SLC6A18: variants seen among roughly 807,000 people sequenced by gnomAD.
SLC6A18 encodes solute carrier family 6 member 18, also known as inactive sodium-dependent neutral amino acid transporter B(0)AT3.
SLC6A18 carries 58 observed loss-of-function variants against 62.9 expected under a neutral mutation model. That is an observed-to-expected ratio of 0.92 (90% confidence interval 0.75 to 1.15). SLC6A18 has a LOEUF of 1.15. Among genes scored for constraint, SLC6A18 ranks in the 50% most tolerant of loss-of-function variants. The pLI, the probability that SLC6A18 is intolerant of heterozygous loss-of-function variation, is 0.00. For missense variants in SLC6A18, 793 were observed against 836.6 expected (o/e 0.95, Z 0.64); for synonymous variants, 382 against 365.8 (o/e 1.04, Z -0.51).
intron 6 of SLC6A18, 22 bp downstream of exon 6, chr5:1,239,584 T>A: frequency 6.3e-7 from 1 of 1,582,924 alleles, no homozygotes; most frequent in Non-Finnish European, 8.7e-7. Context: ...GGCTCAGCTG[T>A]CCAGCCAGGG....
In SLC6A18 at chr5:1,225,674, G is replaced by A. The variant is rs750145122; in HGVS notation, c.160+37G>A. 11 of 1,517,396 alleles carry A rather than the reference G, an allele frequency of 7.2e-6. No individual in the cohort carries two copies. In the South Asian group the frequency reaches 1.3e-4, roughly 18 times the overall value. The allele number at this position is 1,517,396 out of a possible 1,614,324, so 94.0% of individuals were successfully genotyped here. A position where few individuals can be genotyped will look rare whatever the true frequency, so the allele number is the denominator to read the frequency against. On this transcript the variant is annotated intron_variant, in intron 1 of 11. Transcript: ENST00000324642. ...CCTGCGTCCTGGGGCAGACCCCTAAGCAGGGGAGGCCGTCTCCACCCTGAC... is the reference window on the plus strand; with the variant it reads ...CCTGCGTCCTGGGGCAGACCCCTAAACAGGGGAGGCCGTCTCCACCCTGAC...
chr5:1,235,752 A>G (rs1746868880), intron 4 of SLC6A18, 90 bp downstream of exon 4: 1 of 1,336,456 alleles, frequency 7.5e-7, no homozygotes, highest in Non-Finnish European at 1.1e-6. Flanking sequence ...TGTGTCTACA[A>G]GCTCTTGCGA....
chr5:1,243,845 G>C lies in SLC6A18; in HGVS notation c.1336+86G>C. On this transcript the variant is annotated intron_variant, in intron 9 of 11. Transcript: ENST00000324642. The surrounding 1 kb of genome is among the most constrained non-coding windows in gnomAD (Gnocchi z 6.5). ...GCCCGCTGTCCAGACGCCCCTCCTG[G>C]ATGGAGAGCGCAAGGGGCCAAGCCT... 1 of 1,300,514 alleles carries C rather than the reference G, an allele frequency of 7.7e-7. No individual in the cohort carries two copies. The highest frequency in any genetic ancestry group is 1.5e-5 in the African/African-American group (1 of 67,802). 80.6% of individuals were successfully genotyped at this position (1,300,514 alleles called of 1,614,324 possible).
chr5:1,231,959 G>A (rs1746740875), intron 1 of SLC6A18, among the ~76,000 whole-genome samples: 1 of 152,326 alleles, frequency 6.6e-6, no homozygotes, highest in East Asian at 1.9e-4. Flanking sequence ...CTAGTCCAGG[G>A]CCGGCTGCCT....
intron 4 of SLC6A18, among the ~76,000 whole-genome samples, chr5:1,236,412 T>C (rs1253503223): frequency 6.6e-6 from 1 of 152,238 alleles, no homozygotes; most frequent in African/African-American, 2.4e-5. Flanking sequence ...AGCAAATGCA[T>C]TGTTATCAGT....
Position 1,239,602 on chromosome 5 carries a change from G to A in SLC6A18, c.845+40G>A, listed in dbSNP as rs370161690. On this transcript the variant is annotated intron_variant, in intron 6 of 11. Transcript: ENST00000324642. ...TCAGCTGTCCAGCCAGGGAAGCTTT[G>A]GGGAGACGCCCGAGCACTTCCTGAT... 1.7e-5 allele frequency: 26 copies of A among 1,489,774 alleles called. No homozygotes were observed. The African/African-American group carries it at 2.9e-4, about 17-fold the overall frequency. 92.3% of individuals were successfully genotyped at this position (1,489,774 alleles called of 1,614,324 possible).
At chr5:1,231,434 TG>T (rs1369947060) in intron 1 of SLC6A18, among the ~76,000 whole-genome samples, 3 of 152,174 alleles carry the variant, frequency 2.0e-5, no homozygotes, top group Admixed American at 1.3e-4. Flanking sequence ...CTCAGAGCCT[TG>T]GTCTGAGACA....
chr5:1,235,183 A>T (rs111492816), intron 3 of SLC6A18, among the ~76,000 whole-genome samples: 1,532 of 152,274 alleles, frequency 0.01, 27 homozygotes, highest in African/African-American at 0.035. Flanking sequence ...GGCAGGAGGA[A>T]GTGAGGGGAC....
intron 4 of SLC6A18, among the ~76,000 whole-genome samples, chr5:1,236,083 T>C (rs1746876555): frequency 6.6e-6 from 1 of 152,316 alleles, no homozygotes; most frequent in South Asian, 2.1e-4. Flanking sequence ...ATTATTGATA[T>C]GGTTGGGTTT....
intron 4 of SLC6A18, among the ~76,000 whole-genome samples, chr5:1,236,682 T>A (rs1746890462): frequency 6.6e-6 from 1 of 152,170 alleles, no homozygotes; most frequent in Non-Finnish European, 1.5e-5. Context: ...GGACCGTGCC[T>A]CCTGACCCAT....
Position 1,241,334 on chromosome 5 carries a change from A to C in SLC6A18, c.974+675A>C, listed in dbSNP as rs1296438514. ...GTCCCTGCAACATGGGGTGACTCTG[A>C]CCCCACCAGGGTACATCTGGCAGTA... is the stretch of plus-strand genomic sequence containing the variant. On this transcript the variant is annotated intron_variant, in intron 7 of 11. Transcript: ENST00000324642. The surrounding 1 kb of genome is among the most constrained non-coding windows in gnomAD (Gnocchi z 7.8). Among the ~76,000 whole-genome samples the C allele has an allele frequency of 6.6e-6, 1 of 152,102 alleles. No individual in the cohort carries two copies. Among genetic ancestry groups the C allele is most frequent in the East Asian group, 1.9e-4 (1 of 5,194 alleles).
chr5:1,235,708 C>G, intron 4 of SLC6A18, 46 bp downstream of exon 4: 1 of 1,592,492 alleles, frequency 6.3e-7, no homozygotes, highest in Non-Finnish European at 8.6e-7. Flanking sequence ...TCCTCCAGCC[C>G]CCAAGACCCC....
intron 3 of SLC6A18, among the ~76,000 whole-genome samples, chr5:1,233,397 G>T (rs1426633331): frequency 6.6e-6 from 1 of 152,056 alleles, no homozygotes; most frequent in Non-Finnish European, 1.5e-5. Flanking sequence ...AGAATTGCTT[G>T]AACCCGGGAA....
chr5:1,238,973 G>A (rs1176148556), intron 5 of SLC6A18, among the ~76,000 whole-genome samples: 1 of 152,242 alleles, frequency 6.6e-6, no homozygotes, highest in Non-Finnish European at 1.5e-5. Context: ...AGGGGCTGGT[G>A]TGGGAGTGGG....
At position 1,245,885 on chromosome 5, in the gene SLC6A18, G is replaced by A. The variant is rs776064894; in HGVS notation, c.1694G>A (p.Gly565Asp). 42 of 1,607,972 alleles carry A rather than the reference G, an allele frequency of 2.6e-5. No homozygotes were observed. The Admixed American group carries it at 6.8e-4, about 26-fold the overall frequency. Residue 565 changes from glycine (G) to aspartate (D), a missense_variant, in exon 12 of 12, where the codon GGC (glycine) becomes GAC (aspartate). Transcript: ENST00000324642. The part of the protein sequence containing the change: ...FPSRQEKLYP[G>D]WARAACVLLS... ...TCGCGTCAGGAGAAGCTCTACCCGG[G>A]CTGGGCGCGCGCCGCCTGTGTGCTG...
Position 1,232,317 on chromosome 5 carries a change from G to A in SLC6A18, c.259G>A (p.Val87Ile), listed in dbSNP as rs752499450. The change falls in exon 2 of 12, where the codon GTC becomes ATC. Residue 87 changes from valine to isoleucine, a missense_variant. Transcript: ENST00000324642. The stretch of plus-strand genomic sequence containing the variant: ...CGGCCAGCGGCTGCGGAAGGGCAGC[G>A]TCGGCGTGTGGACGGCCATCTCCCC... ...AIGQRLRKGS[V>I]GVWTAISPYL... The A allele has an allele frequency of 9.9e-6, 16 of 1,612,034 alleles. No homozygotes were observed. The highest frequency in any genetic ancestry group is 3.3e-5 in the Admixed American group (2 of 59,930).
intron 1 of SLC6A18, among the ~76,000 whole-genome samples, chr5:1,227,116 ACGCCTTGCCCGT>A (rs1561173470): frequency 3.7e-5 from 5 of 136,134 alleles, no homozygotes; most frequent in African/African-American, 1.1e-4. Context: ...TTGCCCGCCG[ACGCCTTGCCCGT>A]CGATGCCTTG....
At chr5:1,244,183 T>TTCCCCCC in intron 9 of SLC6A18, 31 bp from the exon 10 acceptor site, 2 of 710,304 alleles carry the variant, frequency 2.8e-6, no homozygotes, top group South Asian at 1.4e-5. Flanking sequence ...CCCATCCCCT[T>TTCCCCCC]ACCCCCCACA....
Position 1,235,564 on chromosome 5 carries a change from G to A in SLC6A18, c.523G>A (p.Asp175Asn), listed in dbSNP as rs1391083913. The change falls in exon 4 of 12, where the codon GAC (aspartate) becomes AAC (asparagine). Residue 175 changes from aspartate to asparagine, a missense_variant. By Grantham distance (23) the Asp-to-Asn change is conservative (BLOSUM62 1). Coordinates refer to ENST00000324642, the MANE Select transcript of SLC6A18 (RefSeq NM_182632.3). ...QTLNITADIN[D>N]SGSIQWWLLI... ...ACTGAACATCACAGCCGACATCAAT[G>A]ACAGTGGCTCCATCCAGTGGTGGCT... The A allele has an allele frequency of 1.2e-6, 2 of 1,614,072 alleles. No homozygotes were observed. Among genetic ancestry groups the A allele is most frequent in the African/African-American group, 2.7e-5 (2 of 75,058 alleles).
Sources: allele counts gnomAD v4.1 joint callset (sites outside exome capture counted in the v4.1 genomes callset), GRCh38; gene constraint gnomAD v4.1.1; non-coding constraint Gnocchi (gnomAD v3.1); transcripts MANE v1.5; gene names NCBI Gene and HGNC (gene_info 2026-07-23, HGNC 2026-07-21).